ZER1: variants seen among roughly 807,000 people sequenced by gnomAD.
The protein encoded by ZER1 is protein zer-1 homolog.
A neutral mutation model predicts 78.8 loss-of-function variants in ZER1; 11 were observed. The observed-to-expected ratio is 0.14, with a 90% CI of 0.09 to 0.23. The LOEUF is 0.23. Ranked by LOEUF, ZER1 falls within the 10% of genes least tolerant of loss-of-function variation. ZER1 has a pLI of 1.00. For missense variants in ZER1, 588 were observed against 996.9 expected (o/e 0.59, Z 5.52); for synonymous variants, 400 against 407.0 (o/e 0.98, Z 0.21).
At position 128,731,247 on chromosome 9, in the gene ZER1, C is replaced by A; in HGVS notation, c.*90G>T. ...TGTCTCTTCACTCCGTGGGAGGCTC[C>A]CTCGGAAGGGGCCCGCCCGCTGGGC... is the stretch of plus-strand genomic sequence containing the variant. On this transcript the variant is annotated 3_prime_UTR_variant, in exon 16 of 16. Transcript: ENST00000291900. 7.5e-7 allele frequency: 1 copy of A among 1,324,520 alleles called. No individual in the cohort carries two copies. The highest frequency in any genetic ancestry group is 1.1e-6 in the Non-Finnish European group (1 of 951,366). 82.0% of individuals were successfully genotyped at this position (1,324,520 alleles called of 1,614,324 possible). A position where few individuals can be genotyped will look rare whatever the true frequency, so the allele number is the denominator to read the frequency against.
chr9:128,735,431 C>T lies in ZER1; in HGVS notation c.2043G>A (p.Arg681=), dbSNP rs772721359. The T allele has an allele frequency of 3.7e-6, 6 of 1,613,286 alleles. No homozygotes were observed. Among genetic ancestry groups the T allele is most frequent in the Non-Finnish European group, 5.1e-6 (6 of 1,179,684 alleles). The change falls in exon 14 of 16, where the codon AGG becomes AGA. Residue 681 remains arginine (R), a splice_region_variant and synonymous_variant. Coordinates refer to ENST00000291900, the MANE Select transcript of ZER1 (RefSeq NM_006336.4). ...GGAGGCGGAGAATTGGTTCAAATGA[C>T]CTGCAGGAAAAGAAATCAAGGTCAC... The part of the protein sequence containing the change: ...DINSRRNINY[R]SFEPILRLLP...
intron 14 of ZER1, among the ~76,000 whole-genome samples, chr9:128,734,162 T>TATATATAA (rs1424101118): frequency 3.8e-4 from 24 of 63,448 alleles, no homozygotes; most frequent in African/African-American, 1.1e-3. Flanking sequence ...TATATATATA[T>TATATATAA]AAAATCTTAA....
chr9:128,741,032 G>T (rs1325878740), intron 11 of ZER1, 145 bp from the exon 12 acceptor site: 16 of 625,416 alleles, frequency 2.6e-5, no homozygotes, highest in Non-Finnish European at 4.6e-5. Context: ...ACCCTCCAAT[G>T]CTCCTAGGTC....
intron 13 of ZER1, among the ~76,000 whole-genome samples, chr9:128,738,527 A>G (rs1182172244): frequency 6.9e-6 from 1 of 145,796 alleles, no homozygotes; most frequent in African/African-American, 2.6e-5. Context: ...CTGGGACTAC[A>G]GGCGCATGCC....
rs748317657 is a variant in ZER1, at chr9:128,755,511, G to A, written c.55C>T (p.Arg19Cys). The change falls in exon 2 of 16, where the codon CGC (arginine) becomes TGC (cysteine). Residue 19 changes from arginine (R) to cysteine (C), a missense_variant. Arg to Cys is a radical substitution (Grantham distance 180). Transcript: ENST00000291900. This position sits in a 1 kb window ranked among gnomAD's most constrained non-coding sequence, Gnocchi z 5.6. Reference protein sequence around the residue: ...LMALCTDFCLRNLDGTLGYLL... With the variant: ...LMALCTDFCLCNLDGTLGYLL... ...TAGCCCAGGGTGCCATCCAGGTTGC[G>A]CAAGCAGAAGTCAGTACAGAGGGCC... is the stretch of plus-strand genomic sequence containing the variant. 3.1e-6 allele frequency: 5 copies of A among 1,613,894 alleles called. No homozygotes were observed. Among genetic ancestry groups the A allele is most frequent in the African/African-American group, 2.7e-5 (2 of 74,874 alleles).
At chr9:128,771,162 C>A (rs1242169658) in intron 1 of ZER1, among the ~76,000 whole-genome samples, 1 of 152,216 alleles carries the variant, frequency 6.6e-6, no homozygotes, top group Non-Finnish European at 1.5e-5. Context: ...ACTCACCTGT[C>A]GGGCTCCCTT....
rs1863761506 is a variant in ZER1 at position 128,753,659 on chromosome 9, G to A, written c.310-59C>T. The A allele has an allele frequency of 6.3e-7, 1 of 1,585,652 alleles. No homozygotes were observed. The highest frequency in any genetic ancestry group is 8.6e-7 in the Non-Finnish European group (1 of 1,165,632). On this transcript the variant is annotated intron_variant, in intron 3 of 15. Coordinates refer to ENST00000291900, the MANE Select transcript of ZER1 (RefSeq NM_006336.4). This position sits in a 1 kb window ranked among gnomAD's most constrained non-coding sequence, Gnocchi z 7.5. ...CCCTTGCCCCTTCCCCCGGCCCCAG[G>A]CCTTGCCCTGGGCTACAGGTGGGTT...
chr9:128,733,209 C>A, intron 15 of ZER1: 1 of 498,436 alleles, frequency 2.0e-6, no homozygotes, highest in South Asian at 3.4e-5. Flanking sequence ...GGCCCTGATG[C>A]TCCGTTCCGA....
intron 1 of ZER1, among the ~76,000 whole-genome samples, chr9:128,768,700 G>A (rs1056464113): frequency 6.6e-6 from 1 of 152,096 alleles, no homozygotes; most frequent in Non-Finnish European, 1.5e-5. Context: ...ATATAGTCCG[G>A]GCTTGGGGTA....
intron 14 of ZER1, among the ~76,000 whole-genome samples, chr9:128,734,928 G>A (rs577987308): frequency 9.9e-5 from 15 of 151,428 alleles, no homozygotes; most frequent in Non-Finnish European, 1.3e-4. Flanking sequence ...TGCTCAGGCC[G>A]GAGTGCAATG....
At chr9:128,741,408 C>T (rs974216507) in intron 11 of ZER1, 127 bp downstream of exon 11, 10 of 1,416,988 alleles carry the variant, frequency 7.1e-6, no homozygotes, top group Non-Finnish European at 8.8e-6. Context: ...CTGAGTCTGT[C>T]CCCACTGCCC....
At chr9:128,763,781 A>T (rs12340083) in intron 1 of ZER1, among the ~76,000 whole-genome samples, 280 of 152,306 alleles carry the variant, frequency 1.8e-3, no homozygotes, top group African/African-American at 6.5e-3. Flanking sequence ...TGAGGTCAGG[A>T]GTTCGAGACC....
intron 8 of ZER1, among the ~76,000 whole-genome samples, chr9:128,748,942 A>G (rs1373549312): frequency 2.2e-5 from 3 of 139,100 alleles, no homozygotes; most frequent in African/African-American, 5.4e-5. Flanking sequence ...TCCTGACCTC[A>G]TGATCTGCCT....
intron 8 of ZER1, among the ~76,000 whole-genome samples, chr9:128,746,459 T>G (rs997205618): frequency 4.6e-5 from 6 of 129,474 alleles, no homozygotes; most frequent in Admixed American, 3.9e-4. Context: ...CTTCTTTTCC[T>G]TTTTTTTTTT....
Position 128,755,236 on chromosome 9 carries a change from G to A in ZER1, c.158+172C>T, listed in dbSNP as rs772795452. On this transcript the variant is annotated intron_variant, in intron 2 of 15. Coordinates refer to ENST00000291900, the MANE Select transcript of ZER1 (RefSeq NM_006336.4). The surrounding 1 kb of genome is among the most constrained non-coding windows in gnomAD (Gnocchi z 5.6). Reference sequence around the variant, plus strand: ...ACACACACACATATACACCTTTACGGTTATGGATACACCACTATTCTCTTG... The same window carrying A: ...ACACACACACATATACACCTTTACGATTATGGATACACCACTATTCTCTTG... Among the ~76,000 whole-genome samples the A allele has an allele frequency of 1.2e-4, 18 of 151,712 alleles. No homozygotes were observed. The highest frequency in any genetic ancestry group is 2.6e-4 in the Non-Finnish European group (18 of 67,950).
intron 8 of ZER1, among the ~76,000 whole-genome samples, chr9:128,745,199 G>GT (rs570009551): frequency 0.034 from 4,388 of 128,464 alleles, 191 homozygotes; most frequent in African/African-American, 0.086. Flanking sequence ...ATTTGTTTGG[G>GT]TTTTTTTTTT....
chr9:128,748,317 G>A (rs1321519904), intron 8 of ZER1, among the ~76,000 whole-genome samples: 2 of 150,574 alleles, frequency 1.3e-5, no homozygotes, highest in African/African-American at 4.9e-5. Flanking sequence ...AGGCAGAATA[G>A]CGTGAACCTG....
chr9:128,734,322 T>G (rs1267331541), intron 14 of ZER1, among the ~76,000 whole-genome samples: 1 of 148,012 alleles, frequency 6.8e-6, no homozygotes, highest in Non-Finnish European at 1.5e-5. Flanking sequence ...TCAGCCTCCC[T>G]AGTAGCTGGG....
rs752048050 is a variant in ZER1 at position 128,731,302 on chromosome 9, G to A, written c.*35C>T. 5.0e-6 allele frequency: 8 copies of A among 1,608,594 alleles called. No individual in the cohort carries two copies. In the African/African-American group the frequency reaches 9.4e-5, roughly 19 times the overall value. ...TGAGCATGCTTCCTCCCCGCCTGTG[G>A]TCCAGAGCGGTGGCGGCCATGGGGA... On this transcript the variant is annotated 3_prime_UTR_variant, in exon 16 of 16. Transcript: ENST00000291900.
Sources: gnomAD v4.1 joint callset for allele counts (sites outside exome capture counted in the v4.1 genomes callset) on GRCh38, gnomAD v4.1.1 for gene constraint, Gnocchi (gnomAD v3.1) non-coding constraint, MANE v1.5 for transcripts, NCBI Gene and HGNC (gene_info 2026-07-23, HGNC 2026-07-21) for gene names.